RTN4RL1: variants seen among roughly 807,000 people sequenced by gnomAD.
RTN4RL1 encodes reticulon-4 receptor-like 1.
In RTN4RL1, 7 loss-of-function variants were observed where a neutral mutation model predicts 25.6. That is an observed-to-expected ratio of 0.27 (90% confidence interval 0.16 to 0.51). The LOEUF (loss-of-function observed/expected upper bound fraction) is 0.51. RTN4RL1 is among the 20% of genes least tolerant of loss of function. The pLI is 0.97. For synonymous variants in RTN4RL1, 297 were observed against 288.2 expected, an observed-to-expected ratio of 1.03 and a Z score of -0.31; for missense variants, 500 against 615.6, an observed-to-expected ratio of 0.81 and a Z score of 1.99.
chr17:1,985,075 A>G (rs572791540), intron 1 of RTN4RL1, among the ~76,000 whole-genome samples: 2 of 152,370 alleles, frequency 1.3e-5, no homozygotes, highest in African/African-American at 4.8e-5. Context: ...CATTCTCTCA[A>G]TGACCCTTTC....
intron 1 of RTN4RL1, among the ~76,000 whole-genome samples, chr17:1,966,215 C>T (rs541035969): frequency 4.6e-5 from 7 of 152,306 alleles, no homozygotes; most frequent in Non-Finnish European, 8.8e-5. Context: ...AAGCCGCGTA[C>T]GATTCCCAGT....
chr17:1,996,881 C>T (rs1364666749), intron 1 of RTN4RL1, among the ~76,000 whole-genome samples: 1 of 152,198 alleles, frequency 6.6e-6, no homozygotes. Flanking sequence ...GGACTCTGTG[C>T]ACAAAGAACC....
intron 1 of RTN4RL1, among the ~76,000 whole-genome samples, chr17:1,947,429 G>C (rs1345965832): frequency 6.6e-6 from 1 of 152,152 alleles, no homozygotes; most frequent in Non-Finnish European, 1.5e-5. Context: ...GCGGGGCCCT[G>C]TTCTGGGCAG....
At chr17:1,983,823 T>G (rs986606501) in intron 1 of RTN4RL1, among the ~76,000 whole-genome samples, 6 of 152,066 alleles carry the variant, frequency 3.9e-5, no homozygotes, top group African/African-American at 1.4e-4. Flanking sequence ...ATTACAGGTG[T>G]GAGCCACGGC....
intron 1 of RTN4RL1, among the ~76,000 whole-genome samples, chr17:1,971,210 G>T (rs2066817143): frequency 6.6e-6 from 1 of 152,164 alleles, no homozygotes; most frequent in Non-Finnish European, 1.5e-5. Flanking sequence ...GTTCTCATGA[G>T]ATCTGATGGT....
At chr17:1,989,406 C>T (rs1158809212) in intron 1 of RTN4RL1, among the ~76,000 whole-genome samples, 1 of 151,610 alleles carries the variant, frequency 6.6e-6, no homozygotes, top group African/African-American at 2.4e-5. Context: ...CAAATAAATG[C>T]TTCCTCATCA....
At chr17:1,980,270 T>C (rs1252738752) in intron 1 of RTN4RL1, among the ~76,000 whole-genome samples, 1 of 148,334 alleles carries the variant, frequency 6.7e-6, no homozygotes, top group African/African-American at 2.5e-5. Flanking sequence ...AGGACCTCAC[T>C]ATGTTGCCCA....
At chr17:1,944,457 A>G (rs1025686470) in intron 1 of RTN4RL1, among the ~76,000 whole-genome samples, 3 of 151,812 alleles carry the variant, frequency 2.0e-5, no homozygotes, top group Admixed American at 2.0e-4. Context: ...CTCCGGCCAA[A>G]CACCTTAGAA....
At chr17:1,956,530 G>C (rs759896610) in intron 1 of RTN4RL1, among the ~76,000 whole-genome samples, 3 of 152,136 alleles carry the variant, frequency 2.0e-5, no homozygotes, top group Non-Finnish European at 4.4e-5. Context: ...AGAGGGATGC[G>C]GTAACAGGCA....
chr17:2,015,772 G>T (rs910444434), intron 1 of RTN4RL1, among the ~76,000 whole-genome samples: 1 of 135,560 alleles, frequency 7.4e-6, no homozygotes, highest in African/African-American at 2.6e-5. Context: ...GGCAGAGAGA[G>T]CCGAGCGGCC....
chr17:2,015,084 G>A (rs2067102871), intron 1 of RTN4RL1, among the ~76,000 whole-genome samples: 1 of 152,210 alleles, frequency 6.6e-6, no homozygotes, highest in South Asian at 2.1e-4. Flanking sequence ...CAAGACAGGA[G>A]GCTGCTGGGA....
chr17:2,018,597 C>A (rs530061968), intron 1 of RTN4RL1, among the ~76,000 whole-genome samples: 3 of 152,164 alleles, frequency 2.0e-5, no homozygotes, highest in African/African-American at 4.8e-5. Flanking sequence ...CAGATGGGCA[C>A]GTGAGACAGT....
chr17:2,000,831 C>T (rs896813609), intron 1 of RTN4RL1, among the ~76,000 whole-genome samples: 2 of 151,920 alleles, frequency 1.3e-5, no homozygotes, highest in African/African-American at 4.8e-5. Context: ...GGTTCTGGTT[C>T]TATTACCTAC....
Position 1,936,992 on chromosome 17 carries a change from C to T in RTN4RL1, c.830G>A (p.Ser277Asn). ...WEWLQRFRGS[S>N]SAVPCVSPGL... ...AGGGGACACACAGGGGACAGCGGAG[C>T]TGGAGCCCCGGAACCTCTGCAGCCA... The change falls in exon 2 of 2, where the codon AGC becomes AAC. Residue 277 changes from serine to asparagine, a missense_variant. By Grantham distance (46) the Ser-to-Asn change is conservative. Coordinates refer to ENST00000331238, the MANE Select transcript of RTN4RL1 (RefSeq NM_178568.4). 1 of 1,604,840 alleles carries T rather than the reference C, an allele frequency of 6.2e-7. No homozygotes were observed. Among genetic ancestry groups the T allele is most frequent in the South Asian group, 1.1e-5 (1 of 90,308 alleles).
At chr17:1,948,952 C>G (rs944443901) in intron 1 of RTN4RL1, among the ~76,000 whole-genome samples, 1 of 151,652 alleles carries the variant, frequency 6.6e-6, no homozygotes, top group Admixed American at 6.6e-5. Flanking sequence ...GCCACCACGC[C>G]TGGCTAATTT....
chr17:1,937,931 T>C, intron 1 of RTN4RL1, 123 bp from the exon 2 acceptor site: 1 of 834,216 alleles, frequency 1.2e-6, no homozygotes, highest in Non-Finnish European at 1.8e-6. Flanking sequence ...GCCTTGTCCC[T>C]GGCTGGAGCA....
At chr17:1,947,626 CT>C (rs1374888532) in intron 1 of RTN4RL1, among the ~76,000 whole-genome samples, 1 of 152,232 alleles carries the variant, frequency 6.6e-6, no homozygotes, top group African/African-American at 2.4e-5. Flanking sequence ...CGCTGGGCCC[CT>C]GGAGCAGGCC....
chr17:2,015,173 G>C (rs2067103855), intron 1 of RTN4RL1, among the ~76,000 whole-genome samples: 1 of 152,210 alleles, frequency 6.6e-6, no homozygotes, highest in Non-Finnish European at 1.5e-5. Flanking sequence ...GGGCATCATG[G>C]GAGAAGGGCA....
At chr17:1,980,252 G>A (rs1349133764) in intron 1 of RTN4RL1, among the ~76,000 whole-genome samples, 1 of 108,202 alleles carries the variant, frequency 9.2e-6, no homozygotes, top group African/African-American at 3.5e-5. Flanking sequence ...TTTTTTTTTA[G>A]TAGAGACAGG....
Sources: allele counts gnomAD v4.1 joint callset (sites outside exome capture counted in the v4.1 genomes callset), GRCh38; gene constraint gnomAD v4.1.1; transcripts MANE v1.5; gene names NCBI Gene and HGNC (gene_info 2026-07-23, HGNC 2026-07-21).